FGF12: variants seen among roughly 807,000 people sequenced by gnomAD.
The protein encoded by FGF12 is fibroblast growth factor 12.
Under a neutral mutation model 23.6 loss-of-function variants are expected in FGF12, and 14 were observed. The ratio of observed to expected loss-of-function variants is 0.59; its 90% confidence interval spans 0.39 to 0.93. The LOEUF (loss-of-function observed/expected upper bound fraction) is 0.93. FGF12 is among the 40% of genes least tolerant of loss of function. The pLI is 0.00. For missense variants in FGF12, 175 were observed against 217.8 expected (o/e 0.80, Z 1.24); for synonymous variants, 62 against 77.3 (o/e 0.80, Z 1.04).
intron 4 of FGF12, among the ~76,000 whole-genome samples, chr3:192,230,515 G>C (rs151005687): frequency 2.0e-5 from 3 of 152,156 alleles, no homozygotes; most frequent in Non-Finnish European, 2.9e-5. Flanking sequence ...ATCATAATCT[G>C]ACAATAATTA....
chr3:192,495,138 C>T (rs963497357), intron 2 of FGF12, among the ~76,000 whole-genome samples: 5 of 152,106 alleles, frequency 3.3e-5, no homozygotes, highest in Admixed American at 2.6e-4. Context: ...GGATTACAGG[C>T]GTGAGCCACT....
chr3:192,656,318 CACAGAG>C (rs147161720), intron 2 of FGF12, among the ~76,000 whole-genome samples: 21,429 of 76,914 alleles, frequency 0.28, 2,189 homozygotes, highest in East Asian at 0.6. Context: ...CACACACACA[CACAGAG>C]AGAGAATTAT....
At chr3:192,207,694 G>T (rs1717726302) in intron 4 of FGF12, among the ~76,000 whole-genome samples, 1 of 152,186 alleles carries the variant, frequency 6.6e-6, no homozygotes, top group African/African-American at 2.4e-5. Context: ...AGAGGATGAA[G>T]ATCTGCAACG....
At chr3:192,410,754 A>C (rs962509213) in intron 2 of FGF12, among the ~76,000 whole-genome samples, 3 of 152,190 alleles carry the variant, frequency 2.0e-5, no homozygotes, top group Admixed American at 2.0e-4. Flanking sequence ...GGATGACTCC[A>C]GGTGCGGCGA....
intron 2 of FGF12, among the ~76,000 whole-genome samples, chr3:192,379,660 G>A (rs1440019479): frequency 1.3e-5 from 2 of 152,190 alleles, no homozygotes; most frequent in African/African-American, 4.8e-5. Flanking sequence ...ATAGATAATT[G>A]TGGATTTTTA....
At chr3:192,562,485 A>G (rs374598592) in intron 2 of FGF12, among the ~76,000 whole-genome samples, 1 of 152,180 alleles carries the variant, frequency 6.6e-6, no homozygotes, top group Non-Finnish European at 1.5e-5. Context: ...TTCTTCAGTA[A>G]AGTTCAAAAT....
intron 2 of FGF12, among the ~76,000 whole-genome samples, chr3:192,546,847 T>A (rs908027554): frequency 1.3e-5 from 2 of 152,156 alleles, no homozygotes; most frequent in Admixed American, 1.3e-4. Flanking sequence ...CCCAATAGTT[T>A]GAGACCAGCC....
At chr3:192,395,713 A>G (rs1441292651) in intron 2 of FGF12, among the ~76,000 whole-genome samples, 1 of 152,214 alleles carries the variant, frequency 6.6e-6, no homozygotes, top group Non-Finnish European at 1.5e-5. Flanking sequence ...AGTGCAGGGT[A>G]TAAAGCCTGG....
intron 2 of FGF12, among the ~76,000 whole-genome samples, chr3:192,383,040 G>A (rs1443873169): frequency 1.3e-5 from 2 of 152,144 alleles, no homozygotes; most frequent in Admixed American, 6.6e-5. Context: ...ATTGCATGTG[G>A]GCAGAAAGGG....
At chr3:192,181,046 G>A (rs1716141901) in intron 4 of FGF12, among the ~76,000 whole-genome samples, 1 of 152,144 alleles carries the variant, frequency 6.6e-6, no homozygotes, top group African/African-American at 2.4e-5. Flanking sequence ...AGACTGTACG[G>A]AGATCTCCTG....
intron 1 of FGF12, 53 bp downstream of exon 1, chr3:192,727,431 A>T: frequency 3.6e-6 from 4 of 1,113,076 alleles, no homozygotes; most frequent in Non-Finnish European, 5.0e-6. Context: ...CGCGCATCTG[A>T]TACTGAAATG....
In FGF12 at chr3:192,336,714, AACCCAAGGGCT is replaced by A. The variant is rs1717434366; in HGVS notation, c.125-1261_125-1251del. 6.6e-6 allele frequency among the ~76,000 whole-genome samples: 1 copy of A among 152,128 alleles called. No individual in the cohort carries two copies. Among genetic ancestry groups the A allele is most frequent in the Non-Finnish European group, 1.5e-5 (1 of 68,004 alleles). ...TTTTAATACAAGATACACATAAATT[AACCCAAGGGCT>A]ACCATTATTTAGGGATGCCTCTATT... On this transcript the variant is annotated intron_variant, in intron 3 of 5. Coordinates refer to ENST00000445105, the MANE Select transcript of FGF12 (RefSeq NM_004113.6). This position sits in a 1 kb window ranked among gnomAD's most constrained non-coding sequence, Gnocchi z 4.3.
chr3:192,556,116 A>G (rs1049450991), intron 2 of FGF12, among the ~76,000 whole-genome samples: 1 of 152,182 alleles, frequency 6.6e-6, no homozygotes, highest in Non-Finnish European at 1.5e-5. Context: ...ACCAAAAGGC[A>G]ACAGGATAGA....
intron 2 of FGF12, among the ~76,000 whole-genome samples, chr3:192,709,533 G>A (rs932698089): frequency 6.6e-6 from 1 of 152,188 alleles, no homozygotes; most frequent in African/African-American, 2.4e-5. Context: ...ATATTACTAT[G>A]AGACTCAAGA....
intron 4 of FGF12, among the ~76,000 whole-genome samples, chr3:192,222,930 T>C (rs1266858239): frequency 6.6e-6 from 1 of 152,136 alleles, no homozygotes; most frequent in African/African-American, 2.4e-5. Flanking sequence ...AGTGTCTCCA[T>C]CAGGATGCAG....
intron 4 of FGF12, among the ~76,000 whole-genome samples, chr3:192,250,945 T>A (rs917184195): frequency 6.6e-6 from 1 of 152,150 alleles, no homozygotes; most frequent in East Asian, 1.9e-4. Context: ...AGGTGAAGCA[T>A]ACTTAATTAC....
chr3:192,715,988 C>A (rs1331111271), intron 2 of FGF12, among the ~76,000 whole-genome samples: 1 of 152,230 alleles, frequency 6.6e-6, no homozygotes, highest in Non-Finnish European at 1.5e-5. Context: ...AGAATGCTAT[C>A]CCTGATCCCT....
chr3:192,202,235 T>C lies in FGF12; in HGVS notation c.229-31579A>G, dbSNP rs138116423. On this transcript the variant is annotated intron_variant, in intron 4 of 5. Coordinates refer to ENST00000445105, the MANE Select transcript of FGF12 (RefSeq NM_004113.6). ...GGAAACAGCAAAAGAAACAGACAGA[T>C]TGAGGAAGTGGCACAGTTCCCAAGA... 2.2e-4 allele frequency among the ~76,000 whole-genome samples: 33 copies of C among 152,136 alleles called. No individual in the cohort carries two copies. In the East Asian group the frequency reaches 6.2e-3, roughly 29 times the overall value.
At chr3:192,414,800 G>A (rs538053983) in intron 2 of FGF12, among the ~76,000 whole-genome samples, 53 of 152,190 alleles carry the variant, frequency 3.5e-4, no homozygotes, top group African/African-American at 1.1e-3. Flanking sequence ...CTTCTAACAT[G>A]GTTTCACATC....
Sources: gnomAD v4.1 joint callset for allele counts (sites outside exome capture counted in the v4.1 genomes callset) on GRCh38, gnomAD v4.1.1 for gene constraint, Gnocchi (gnomAD v3.1) non-coding constraint, MANE v1.5 for transcripts, NCBI Gene and HGNC (gene_info 2026-07-23, HGNC 2026-07-21) for gene names.